CSMD2: variants seen among roughly 807,000 people sequenced by gnomAD.
CSMD2 encodes the protein CUB and sushi domain-containing protein 2.
A neutral mutation model predicts 398.5 loss-of-function variants in CSMD2; 130 were observed. The observed-to-expected ratio is 0.33, with a 90% CI of 0.28 to 0.38. The LOEUF is 0.38. Ranked by LOEUF, CSMD2 falls within the 10% of genes least tolerant of loss-of-function variation. The pLI, the probability that CSMD2 is intolerant of heterozygous loss-of-function variation, is 1.00. For synonymous variants in CSMD2, 1,828 were observed against 1,908.5 expected, an observed-to-expected ratio of 0.96 and a Z score of 1.10; for missense variants, 3,829 against 4,764.9, an observed-to-expected ratio of 0.80 and a Z score of 5.78.
chr1:33,603,018 AG>A lies in CSMD2; in HGVS notation c.6533-473del, dbSNP rs1640330964. The stretch of plus-strand genomic sequence containing the variant: ...CTTCGAGTTGAGGGTTCCTGGGGTG[AG>A]GCTAAGGTTGGGTTCAAATCATAGC... On this transcript the variant is annotated intron_variant, in intron 42 of 70. Transcript: ENST00000373381. Among the ~76,000 whole-genome samples the A allele has an allele frequency of 6.6e-5, 10 of 152,236 alleles. No individual in the cohort carries two copies. The South Asian group carries it at 2.1e-3, about 32-fold the overall frequency.
chr1:34,145,553 C>A (rs1474915935), intron 1 of CSMD2, among the ~76,000 whole-genome samples: 1 of 152,172 alleles, frequency 6.6e-6, no homozygotes, highest in Non-Finnish European at 1.5e-5. Flanking sequence ...TACCAGCAGA[C>A]CTGAAAACAC....
intron 31 of CSMD2, among the ~76,000 whole-genome samples, chr1:33,634,111 T>A (rs1642648550): frequency 6.6e-6 from 1 of 152,196 alleles, no homozygotes; most frequent in African/African-American, 2.4e-5. Flanking sequence ...CTAACTGCGA[T>A]CCTGCAGGTC....
Position 33,624,490 on chromosome 1 carries a change from G to T in CSMD2, c.5625+29C>A. On this transcript the variant is annotated intron_variant, in intron 35 of 70. Coordinates refer to ENST00000373381, the MANE Select transcript of CSMD2 (RefSeq NM_001281956.2). This position sits in a 1 kb window ranked among gnomAD's most constrained non-coding sequence, Gnocchi z 4.7. ...GTTACCTGGGAGCAGACGGCCACCT[G>T]CCCGACCGAGGCGCCCCCTTGCCCC... 6.2e-7 allele frequency: 1 copy of T among 1,610,066 alleles called. No individual in the cohort carries two copies. The highest frequency in any genetic ancestry group is 8.5e-7 in the Non-Finnish European group (1 of 1,177,676).
intron 39 of CSMD2, among the ~76,000 whole-genome samples, chr1:33,616,575 C>T (rs1043897457): frequency 6.6e-6 from 1 of 152,118 alleles, no homozygotes; most frequent in African/African-American, 2.4e-5. Context: ...TCTGTCTGTC[C>T]CACAAGAAGT....
chr1:33,542,858 G>A lies in CSMD2; in HGVS notation c.9139C>T (p.Arg3047Ter). ...CGNPGTPSNA[R>*]VVFSDGLVFS... ...ACCAGGCCATCACTGAACACAACTCGGGCATTACTTGGAGTCCCAGGGTTC... is the reference window on the plus strand; with the variant it reads ...ACCAGGCCATCACTGAACACAACTCAGGCATTACTTGGAGTCCCAGGGTTC... The change falls in exon 58 of 71, where the codon CGA becomes TGA. Residue 3047 changes from arginine (R) to a stop codon, truncating the protein, a stop_gained. Transcript: ENST00000373381. LOFTEE classifies it high-confidence loss of function. 6 of 1,614,088 alleles carry A rather than the reference G, an allele frequency of 3.7e-6. No individual in the cohort carries two copies. Among genetic ancestry groups the A allele is most frequent in the Non-Finnish European group, 4.2e-6 (5 of 1,180,004 alleles).
intron 41 of CSMD2, chr1:33,605,941 G>A (rs764096403): frequency 2.2e-5 from 36 of 1,613,724 alleles, no homozygotes; most frequent in Non-Finnish European, 3.1e-5. Context: ...AACTCCGAGA[G>A]ATCAAAACCT....
intron 5 of CSMD2, among the ~76,000 whole-genome samples, chr1:33,853,745 C>A (rs1316205638): frequency 1.3e-5 from 2 of 152,174 alleles, no homozygotes; most frequent in Admixed American, 1.3e-4. Context: ...GCTGGGTAGT[C>A]CAGCTGGCTT....
chr1:33,614,465 G>T, intron 40 of CSMD2, 39 bp downstream of exon 40: 2 of 1,200,730 alleles, frequency 1.7e-6, no homozygotes, highest in Non-Finnish European at 2.5e-6. Flanking sequence ...AAGGGTCTGG[G>T]CTTGAAGCCT....
intron 2 of CSMD2, among the ~76,000 whole-genome samples, chr1:34,033,816 G>A (rs748366310): frequency 4.6e-5 from 7 of 152,168 alleles, no homozygotes; most frequent in Non-Finnish European, 1.0e-4. Flanking sequence ...TGAGTATCGG[G>A]CTCAGATGAG....
At chr1:33,617,390 C>A (rs1404425085) in intron 38 of CSMD2, 109 bp downstream of exon 38, 1 of 792,098 alleles carries the variant, frequency 1.3e-6, no homozygotes, top group Non-Finnish European at 2.2e-6. Flanking sequence ...CCCGGGGGAC[C>A]TGGGGGCTGC....
intron 1 of CSMD2, among the ~76,000 whole-genome samples, chr1:34,147,122 G>C (rs1360152179): frequency 6.6e-6 from 1 of 152,070 alleles, no homozygotes; most frequent in East Asian, 1.9e-4. Flanking sequence ...GCTGGGCATG[G>C]TGGCAGGCGC....
At chr1:33,961,980 TGAG>T (rs1005609901) in intron 3 of CSMD2, among the ~76,000 whole-genome samples, 7 of 152,134 alleles carry the variant, frequency 4.6e-5, no homozygotes, top group African/African-American at 1.4e-4. Context: ...TTGGGGATGT[TGAG>T]AAGATTAAAT....
intron 5 of CSMD2, among the ~76,000 whole-genome samples, chr1:33,906,269 A>T (rs1643081965): frequency 1.3e-5 from 2 of 152,260 alleles, no homozygotes; most frequent in Non-Finnish European, 2.9e-5. Context: ...TTAGATCCAG[A>T]TGGGCCTTGT....
At chr1:33,710,074 CT>C (rs755418186) in intron 21 of CSMD2, among the ~76,000 whole-genome samples, 7 of 152,144 alleles carry the variant, frequency 4.6e-5, no homozygotes, top group Non-Finnish European at 1.0e-4. Context: ...TCCCATTTTA[CT>C]TCACTTATTT....
chr1:33,930,267 C>A (rs1644268694), intron 4 of CSMD2, among the ~76,000 whole-genome samples: 1 of 152,208 alleles, frequency 6.6e-6, no homozygotes, highest in South Asian at 2.1e-4. Flanking sequence ...TGTGTCCCAC[C>A]TTTAAAACTC....
In CSMD2 at chr1:33,833,763, A is replaced by C. The variant is rs568663482; in HGVS notation, c.1034-7989T>G. 1.7e-4 allele frequency among the ~76,000 whole-genome samples: 26 copies of C among 152,270 alleles called. No homozygotes were observed. The South Asian group carries it at 5.2e-3, about 30-fold the overall frequency. On this transcript the variant is annotated intron_variant, in intron 6 of 70. Transcript: ENST00000373381. Reference sequence around the variant, plus strand: ...TATATCTAGAAAACCCCATTGTCTCAGCCCAAAATCTCCTTAAGCTGATAA... The same window carrying C: ...TATATCTAGAAAACCCCATTGTCTCCGCCCAAAATCTCCTTAAGCTGATAA...
chr1:33,977,525 GCT>G (rs1646011226), intron 3 of CSMD2, among the ~76,000 whole-genome samples: 1 of 152,026 alleles, frequency 6.6e-6, no homozygotes, highest in Admixed American at 6.6e-5. Flanking sequence ...CCTCAGTGGT[GCT>G]CTGTTGCCTG....
chr1:33,843,763 G>C (rs1397752672), intron 6 of CSMD2, among the ~76,000 whole-genome samples: 2 of 152,176 alleles, frequency 1.3e-5, no homozygotes, highest in African/African-American at 4.8e-5. Flanking sequence ...ATGGGAGAGA[G>C]AGAGGAGAGA....
intron 6 of CSMD2, chr1:33,840,223 TGAG>T (rs1401165083): frequency 2.0e-5 from 3 of 152,242 alleles, no homozygotes; most frequent in African/African-American, 7.2e-5. Context: ...GAGACAATGA[TGAG>T]AGGAAAGAGA....
Sources: gnomAD v4.1 joint callset for allele counts (sites outside exome capture counted in the v4.1 genomes callset) on GRCh38, gnomAD v4.1.1 for gene constraint, Gnocchi (gnomAD v3.1) non-coding constraint, MANE v1.5 for transcripts, NCBI Gene and HGNC (gene_info 2026-07-23, HGNC 2026-07-21) for gene names.